The following COX7B2 variants were observed in gnomAD, a reference collection of about 807,000 sequenced individuals.
The protein encoded by COX7B2 is cytochrome c oxidase subunit 7B2, mitochondrial.
For synonymous variants in COX7B2, 37 were observed against 32.1 expected (o/e 1.15, Z -0.51); for missense variants, 109 against 95.9 (o/e 1.14, Z -0.57).
At chr4:46,777,172 T>C (rs1305338342) in intron 2 of COX7B2, among the ~76,000 whole-genome samples, 1 of 152,130 alleles carries the variant, frequency 6.6e-6, no homozygotes, top group Non-Finnish European at 1.5e-5. Context: ...ATGTATTTTC[T>C]AATACTGAAA....
intron 2 of COX7B2, among the ~76,000 whole-genome samples, chr4:46,753,103 T>C (rs1269589027): frequency 6.6e-5 from 10 of 152,156 alleles, no homozygotes; most frequent in Non-Finnish European, 1.5e-4. Context: ...GAGCCTGTTA[T>C]CGGTCTATTC....
intron 2 of COX7B2, among the ~76,000 whole-genome samples, chr4:46,812,380 A>G (rs1577594971): frequency 6.6e-6 from 1 of 152,124 alleles, no homozygotes; most frequent in East Asian, 1.9e-4. Flanking sequence ...TAAAAAAAAA[A>G]AAGAAGTCCT....
chr4:46,883,187 A>G (rs761235462), intron 1 of COX7B2, among the ~76,000 whole-genome samples: 10 of 152,226 alleles, frequency 6.6e-5, no homozygotes, highest in Non-Finnish European at 1.5e-4. Context: ...TGTAGATTAA[A>G]TGTTTTAATT....
intron 1 of COX7B2, among the ~76,000 whole-genome samples, chr4:46,896,668 C>A (rs577080500): frequency 4.0e-5 from 6 of 151,704 alleles, no homozygotes; most frequent in Admixed American, 6.6e-5. Flanking sequence ...ACTAGAAGAA[C>A]AAGAATCCTT....
intron 2 of COX7B2, among the ~76,000 whole-genome samples, chr4:46,804,215 G>A (rs1221118883): frequency 2.0e-5 from 3 of 152,152 alleles, no homozygotes; most frequent in Non-Finnish European, 4.4e-5. Flanking sequence ...CACGGTGAGT[G>A]TTACAGCTCA....
At chr4:46,821,186 A>G (rs1405042488) in intron 2 of COX7B2, among the ~76,000 whole-genome samples, 1 of 152,198 alleles carries the variant, frequency 6.6e-6, no homozygotes, top group East Asian at 1.9e-4. Context: ...AAATAAATTC[A>G]ATAAGGAATC....
chr4:46,899,656 C>T (rs908878813), intron 1 of COX7B2, among the ~76,000 whole-genome samples: 4 of 152,130 alleles, frequency 2.6e-5, no homozygotes, highest in African/African-American at 9.7e-5. Flanking sequence ...GGTCTCCAGG[C>T]TCATGATAGA....
intron 2 of COX7B2, among the ~76,000 whole-genome samples, chr4:46,767,656 C>G (rs368843072): frequency 2.0e-5 from 3 of 152,024 alleles, no homozygotes; most frequent in Non-Finnish European, 4.4e-5. Flanking sequence ...ATATATTTTC[C>G]TATCACAATG....
intron 1 of COX7B2, among the ~76,000 whole-genome samples, chr4:46,875,391 T>C (rs1196044592): frequency 2.0e-5 from 3 of 152,184 alleles, no homozygotes; most frequent in Non-Finnish European, 4.4e-5. Context: ...GTATTCTCAG[T>C]TGTCCCTGAA....
chr4:46,792,757 T>G (rs1356489125), intron 2 of COX7B2, among the ~76,000 whole-genome samples: 2 of 152,224 alleles, frequency 1.3e-5, no homozygotes, highest in African/African-American at 4.8e-5. Context: ...GGACAGATTT[T>G]GATACCTAGA....
chr4:46,834,224 C>A (rs1715358599), intron 2 of COX7B2, among the ~76,000 whole-genome samples: 1 of 152,032 alleles, frequency 6.6e-6, no homozygotes, highest in Admixed American at 6.5e-5. Flanking sequence ...TTTTAAAATA[C>A]CAACAAGTTT....
At chr4:46,892,622 C>A (rs1719495144) in intron 1 of COX7B2, among the ~76,000 whole-genome samples, 1 of 152,156 alleles carries the variant, frequency 6.6e-6, no homozygotes, top group Non-Finnish European at 1.5e-5. Flanking sequence ...CCCACATAAA[C>A]TTCCATAATC....
At chr4:46,793,335 AGGAGTTT>A (rs879588037) in intron 2 of COX7B2, among the ~76,000 whole-genome samples, 1 of 151,492 alleles carries the variant, frequency 6.6e-6, no homozygotes, top group African/African-American at 2.4e-5. Flanking sequence ...CTGGTTGGGG[AGGAGTTT>A]GGAATGTTTC....
At chr4:46,801,364 A>G (rs1718648589) in intron 2 of COX7B2, among the ~76,000 whole-genome samples, 3 of 152,238 alleles carry the variant, frequency 2.0e-5, no homozygotes, top group African/African-American at 7.2e-5. Flanking sequence ...CTACATAAAG[A>G]AAATGTGGTA....
intron 1 of COX7B2, among the ~76,000 whole-genome samples, chr4:46,859,205 C>T (rs893126966): frequency 6.6e-6 from 1 of 152,150 alleles, no homozygotes; most frequent in Non-Finnish European, 1.5e-5. Context: ...GTCATTTCCA[C>T]CTTTCCACCC....
intron 2 of COX7B2, among the ~76,000 whole-genome samples, chr4:46,755,713 A>C (rs139856152): frequency 6.6e-6 from 1 of 152,166 alleles, no homozygotes; most frequent in East Asian, 1.9e-4. Context: ...AATCCCATTT[A>C]ACATGATACA....
At chr4:46,904,843 T>A (rs1325577444) in intron 1 of COX7B2, among the ~76,000 whole-genome samples, 1 of 152,238 alleles carries the variant, frequency 6.6e-6, no homozygotes, top group Non-Finnish European at 1.5e-5. Flanking sequence ...TGAAGTTTGC[T>A]ATCTTTTGTA....
At chr4:46,775,389 A>T (rs1717102134) in intron 2 of COX7B2, among the ~76,000 whole-genome samples, 2 of 152,112 alleles carry the variant, frequency 1.3e-5, no homozygotes, top group African/African-American at 4.8e-5. Flanking sequence ...GTATTTTAGG[A>T]TGACTAAATC....
chr4:46,777,308 C>A (rs749800465), intron 2 of COX7B2, among the ~76,000 whole-genome samples: 2 of 151,934 alleles, frequency 1.3e-5, no homozygotes, highest in Non-Finnish European at 2.9e-5. Flanking sequence ...ATGGATAACT[C>A]ATGAAGAATT....
Sources: allele counts gnomAD v4.1 joint callset (sites outside exome capture counted in the v4.1 genomes callset), GRCh38; gene constraint gnomAD v4.1.1; transcripts MANE v1.5; gene names NCBI Gene and HGNC (gene_info 2026-07-23, HGNC 2026-07-21).